Variants in DPP10 observed in about 807,000 individuals in gnomAD.
DPP10 encodes dipeptidyl peptidase like 10, also known as inactive dipeptidyl peptidase 10.
In DPP10, 33 loss-of-function variants were observed where a neutral mutation model predicts 120.9. The observed-to-expected ratio is 0.27, with a 90% CI of 0.21 to 0.37. The LOEUF is 0.37. Ranked by LOEUF, DPP10 falls within the 10% of genes least tolerant of loss-of-function variation. The pLI, the probability that DPP10 is intolerant of heterozygous loss-of-function variation, is 1.00. For synonymous variants in DPP10, 337 were observed against 326.1 expected, an observed-to-expected ratio of 1.03 and a Z score of -0.36; for missense variants, 816 against 942.8, an observed-to-expected ratio of 0.87 and a Z score of 1.76.
intron 1 of DPP10, among the ~76,000 whole-genome samples, chr2:115,289,676 G>A (rs562289532): frequency 1.3e-5 from 2 of 152,086 alleles, no homozygotes; most frequent in East Asian, 1.9e-4. Flanking sequence ...GCAGAATAGA[G>A]AACCCAGACA....
chr2:114,454,047 C>A (rs1054708979), intron 1 of DPP10, among the ~76,000 whole-genome samples: 1 of 152,128 alleles, frequency 6.6e-6, no homozygotes, highest in African/African-American at 2.4e-5. Context: ...TGAAAAGTGT[C>A]ATGACAATGG....
chr2:114,968,413 T>G (rs1235139742), intron 1 of DPP10, among the ~76,000 whole-genome samples: 1 of 152,208 alleles, frequency 6.6e-6, no homozygotes, highest in Non-Finnish European at 1.5e-5. Flanking sequence ...TTTACATGTA[T>G]TGCCCTCCAC....
intron 21 of DPP10, among the ~76,000 whole-genome samples, chr2:115,832,342 T>A (rs532565066): frequency 6.6e-6 from 1 of 152,144 alleles, no homozygotes; most frequent in East Asian, 1.9e-4. Context: ...ATACAAAAAT[T>A]AGCTGGGCAC....
In DPP10 at chr2:115,044,826, C is replaced by A. The variant is rs191670365; in HGVS notation, c.61-264413C>A. The stretch of plus-strand genomic sequence containing the variant: ...ATTCTATTCTCTATCTCCATAGGTT[C>A]AATTGTTTTAATTTTTAGATCCCAC... On this transcript the variant is annotated intron_variant, in intron 1 of 25. Transcript: ENST00000410059. Among the ~76,000 whole-genome samples the A allele has an allele frequency of 7.9e-5, 12 of 152,244 alleles. No homozygotes were observed. The East Asian group carries it at 2.1e-3, about 27-fold the overall frequency.
At chr2:115,821,875 T>C (rs903099423) in intron 21 of DPP10, among the ~76,000 whole-genome samples, 6 of 152,042 alleles carry the variant, frequency 3.9e-5, no homozygotes, top group Non-Finnish European at 7.4e-5. Flanking sequence ...TTCATATTTA[T>C]TTGTAAATAC....
At chr2:114,785,905 T>C (rs1350614162) in intron 1 of DPP10, among the ~76,000 whole-genome samples, 2 of 152,190 alleles carry the variant, frequency 1.3e-5, no homozygotes, top group Non-Finnish European at 2.9e-5. Context: ...CTGGCAGCAA[T>C]GGAAATGTGG....
At position 115,746,171 on chromosome 2, in the gene DPP10, G is replaced by A; in HGVS notation, c.938G>A (p.Ser313Asn). ...THTLELMPPD[S>N]FKSREYYITM... ...ACTTTGGAGCTCATGCCACCTGACA[G>A]CTTTAAATCAAGGTATGCAATTTCA... is the stretch of plus-strand genomic sequence containing the variant. Residue 313 changes from serine to asparagine, a missense_variant, in exon 10 of 26, where the codon AGC becomes AAC. Ser to Asn is a conservative substitution (Grantham distance 46). This residue lies in a region of DPP10 where 592 missense variants were observed against 649.0 expected (regional missense o/e 0.91). Coordinates refer to ENST00000410059, the MANE Select transcript of DPP10 (RefSeq NM_020868.6). 1.2e-6 allele frequency: 2 copies of A among 1,611,758 alleles called. No individual in the cohort carries two copies. The highest frequency in any genetic ancestry group is 8.5e-7 in the Non-Finnish European group (1 of 1,178,834).
At chr2:114,545,015 C>A (rs1351587239) in intron 1 of DPP10, among the ~76,000 whole-genome samples, 1 of 151,934 alleles carries the variant, frequency 6.6e-6, no homozygotes, top group Non-Finnish European at 1.5e-5. Context: ...CCATGCCCAG[C>A]TAATTTTTGT....
rs968420426 is a variant in DPP10 at position 115,844,361 on chromosome 2, A to T, written c.*2016A>T. The T allele has an allele frequency of 2.0e-5, 3 of 152,244 alleles. No individual in the cohort carries two copies. Among genetic ancestry groups the T allele is most frequent in the Non-Finnish European group, 4.4e-5 (3 of 67,974 alleles). 9.4% of individuals were successfully genotyped at this position (152,244 alleles called of 1,614,324 possible). A position where few individuals can be genotyped will look rare whatever the true frequency, so the allele number is the denominator to read the frequency against. On this transcript the variant is annotated 3_prime_UTR_variant, in exon 26 of 26. Coordinates refer to ENST00000410059, the MANE Select transcript of DPP10 (RefSeq NM_020868.6). ...TAAAAAGTATTTGCCTTTTACTGTC[A>T]TCATTTCTCTTGTTTTATTATTATT...
chr2:114,699,150 A>C (rs1700238305), intron 1 of DPP10, among the ~76,000 whole-genome samples: 1 of 152,138 alleles, frequency 6.6e-6, no homozygotes, highest in Non-Finnish European at 1.5e-5. Flanking sequence ...AATCTAAAAA[A>C]CGTTAAGTAA....
chr2:114,508,194 T>A (rs1379479692), intron 1 of DPP10, among the ~76,000 whole-genome samples: 1 of 152,210 alleles, frequency 6.6e-6, no homozygotes, highest in Non-Finnish European at 1.5e-5. Flanking sequence ...GTCCTTACAC[T>A]GAAGCTATAA....
At chr2:114,893,919 A>G (rs1692754835) in intron 1 of DPP10, among the ~76,000 whole-genome samples, 1 of 152,172 alleles carries the variant, frequency 6.6e-6, no homozygotes, top group South Asian at 2.1e-4. Context: ...TCTTCTGAGT[A>G]CATACTAATT....
chr2:115,560,437 TATATATATAC>T (rs1366116054), intron 5 of DPP10, among the ~76,000 whole-genome samples: 18 of 78,138 alleles, frequency 2.3e-4, no homozygotes, highest in African/African-American at 6.4e-4. Flanking sequence ...TATATATATA[TATATATATAC>T]GACAAGCTAC....
At chr2:115,468,343 C>A (rs2074462688) in intron 3 of DPP10, 1 of 513,380 alleles carries the variant, frequency 1.9e-6, no homozygotes, top group Non-Finnish European at 3.9e-6. Context: ...GGAGCAACTC[C>A]AATTGCTGGC....
chr2:115,800,225 A>C (rs1427185567), intron 19 of DPP10, among the ~76,000 whole-genome samples: 1 of 151,656 alleles, frequency 6.6e-6, no homozygotes, highest in African/African-American at 2.4e-5. Flanking sequence ...TGGCTGCATA[A>C]ATGTCTTTTT....
In DPP10 at chr2:115,746,196, A is replaced by G; in HGVS notation, c.950+13A>G. The G allele has an allele frequency of 1.3e-6, 2 of 1,593,810 alleles. No homozygotes were observed. The highest frequency in any genetic ancestry group is 1.7e-6 in the Non-Finnish European group (2 of 1,164,124). Reference sequence around the variant, plus strand: ...GCTTTAAATCAAGGTATGCAATTTCAATTTCACTTTTATGGGGAAATAGAT... The same window carrying G: ...GCTTTAAATCAAGGTATGCAATTTCGATTTCACTTTTATGGGGAAATAGAT... On this transcript the variant is annotated intron_variant, in intron 10 of 25. Coordinates refer to ENST00000410059, the MANE Select transcript of DPP10 (RefSeq NM_020868.6).
chr2:115,641,504 C>G (rs1419287346), intron 5 of DPP10, among the ~76,000 whole-genome samples: 1 of 151,926 alleles, frequency 6.6e-6, no homozygotes, highest in Non-Finnish European at 1.5e-5. Flanking sequence ...TTTAAACCAG[C>G]CTACATAAAT....
chr2:114,682,569 A>AATTATT (rs143088528), intron 1 of DPP10, among the ~76,000 whole-genome samples: 7,618 of 149,120 alleles, frequency 0.051, 236 homozygotes, highest in Middle Eastern at 0.067. Flanking sequence ...ATCGATGGGT[A>AATTATT]ATTATTATTA....
intron 1 of DPP10, among the ~76,000 whole-genome samples, chr2:114,646,192 A>AAATAAAT (rs1400792675): frequency 6.6e-6 from 1 of 151,312 alleles, no homozygotes; most frequent in Non-Finnish European, 1.5e-5. Flanking sequence ...ATAAATAAAT[A>AAATAAAT]AATAAAAAGG....
Sources: allele counts gnomAD v4.1 joint callset (sites outside exome capture counted in the v4.1 genomes callset), GRCh38; gene constraint gnomAD v4.1.1; regional missense constraint gnomAD v4.1.1; transcripts MANE v1.5; gene names NCBI Gene and HGNC (gene_info 2026-07-23, HGNC 2026-07-21).